The following GSE1 variants were observed in gnomAD, a reference collection of about 807,000 sequenced individuals.
GSE1 encodes the protein genetic suppressor element 1.
In GSE1, 32 loss-of-function variants were observed where a neutral mutation model predicts 112.6. The observed-to-expected ratio is 0.28, with a 90% CI of 0.21 to 0.38. The LOEUF (loss-of-function observed/expected upper bound fraction) is 0.38, where lower values mean the gene tolerates loss of function less well. Among genes scored for constraint, GSE1 ranks in the 10% least tolerant of loss-of-function variants. GSE1 has a pLI of 1.00. For synonymous variants in GSE1, 1,115 were observed against 735.6 expected (o/e 1.52, Z -8.35); for missense variants, 2,348 against 1,699.2 (o/e 1.38, Z -6.71).
chr16:85,624,885 C>A (rs2048966756), intron 1 of GSE1, among the ~76,000 whole-genome samples: 1 of 152,128 alleles, frequency 6.6e-6, no homozygotes, highest in Admixed American at 6.5e-5. Flanking sequence ...GCCCCCGGCT[C>A]TGTCTCAGCT....
chr16:85,476,113 G>A (rs1332747918), intron 2 of GSE1, among the ~76,000 whole-genome samples: 3 of 152,064 alleles, frequency 2.0e-5, no homozygotes, highest in African/African-American at 4.8e-5. Flanking sequence ...AAAATTTTTT[G>A]TAGAGACGGG....
In GSE1 at chr16:85,672,859, G is replaced by C. The variant is rs1277621089; in HGVS notation, c.*320G>C. 5.3e-6 allele frequency: 1 copy of C among 190,374 alleles called. No individual in the cohort carries two copies. The highest frequency in any genetic ancestry group is 1.1e-5 in the Non-Finnish European group (1 of 91,372). 11.8% of individuals were successfully genotyped at this position (190,374 alleles called of 1,614,324 possible). ...GGCTCCATTAGCAACACTAAAACTTGATCATTAACAGCCCCCTGTGCATAT... is the reference window on the plus strand; with the variant it reads ...GGCTCCATTAGCAACACTAAAACTTCATCATTAACAGCCCCCTGTGCATAT... On this transcript the variant is annotated 3_prime_UTR_variant, in exon 16 of 16. Transcript: ENST00000253458.
At chr16:85,630,787 C>G (rs2049478153) in intron 1 of GSE1, among the ~76,000 whole-genome samples, 1 of 152,162 alleles carries the variant, frequency 6.6e-6, no homozygotes, top group Non-Finnish European at 1.5e-5. Context: ...ACATGCTGCT[C>G]AACTGACTGA....
chr16:85,400,633 G>GTC (rs2048083862), intron 2 of GSE1, among the ~76,000 whole-genome samples: 1 of 5,116 alleles, frequency 2.0e-4, no homozygotes, highest in African/African-American at 2.3e-4. Context: ...CTGTGTGTCT[G>GTC]TGTGTTGTGT....
chr16:85,427,912 A>C (rs2049030175), intron 2 of GSE1, among the ~76,000 whole-genome samples: 1 of 152,258 alleles, frequency 6.6e-6, no homozygotes, highest in Non-Finnish European at 1.5e-5. Flanking sequence ...ATATTAAAAA[A>C]TATCAGTGAG....
At chr16:85,428,970 C>T (rs28727360) in intron 2 of GSE1, among the ~76,000 whole-genome samples, 8,590 of 152,264 alleles carry the variant, frequency 0.056, 459 homozygotes, top group East Asian at 0.3. Flanking sequence ...ACTCCTTCTG[C>T]CCAGCCACCT....
chr16:85,183,237 A>G (rs2074631324), intron 1 of GSE1, among the ~76,000 whole-genome samples: 1 of 152,114 alleles, frequency 6.6e-6, no homozygotes, highest in Non-Finnish European at 1.5e-5. Context: ...TCTCTCATTC[A>G]TGCACACTCA....
chr16:85,186,596 C>G (rs956542410), intron 1 of GSE1, among the ~76,000 whole-genome samples: 1 of 148,092 alleles, frequency 6.8e-6, no homozygotes, highest in East Asian at 2.0e-4. Flanking sequence ...GAGTGAGACT[C>G]TGTCTCAAGA....
intron 1 of GSE1, among the ~76,000 whole-genome samples, chr16:85,256,732 G>A (rs570465220): frequency 2.0e-5 from 3 of 152,354 alleles, no homozygotes; most frequent in Admixed American, 6.5e-5. Context: ...CAGCCCTGGG[G>A]TCTCGTCCCT....
At chr16:85,448,224 G>C (rs2049569147) in intron 2 of GSE1, among the ~76,000 whole-genome samples, 1 of 152,178 alleles carries the variant, frequency 6.6e-6, no homozygotes, top group South Asian at 2.1e-4. Context: ...CAGCTGCCCA[G>C]GAGCTCTGGA....
Position 85,661,729 on chromosome 16 carries a change from C to A in GSE1, c.2224C>A (p.Leu742Met). The A allele has an allele frequency of 6.3e-7, 1 of 1,577,654 alleles. No individual in the cohort carries two copies. The highest frequency in any genetic ancestry group is 1.3e-5 in the African/African-American group (1 of 74,342). Residue 742 changes from leucine to methionine, a missense_variant, in exon 9 of 16, where the codon CTG (leucine) becomes ATG (methionine). Physicochemically the swap from Leu to Met is conservative, Grantham distance 15 (BLOSUM62 2). Transcript: ENST00000253458. ...CCGGAGGCTGGTCAGCAAGCTGGAC[C>A]TGGAGGAGCGCAGGCGGCGGGAGGC... The part of the protein sequence containing the change: ...QRRRLVSKLD[L>M]EERRRREAQE...
At chr16:85,313,988 ATGTGTGTGTG>A (rs375083956) in intron 1 of GSE1, among the ~76,000 whole-genome samples, 19 of 135,860 alleles carry the variant, frequency 1.4e-4, no homozygotes, top group Admixed American at 7.0e-4. Flanking sequence ...TAGTGTGTGT[ATGTGTGTGTG>A]TGTGATACAG....
intron 2 of GSE1, among the ~76,000 whole-genome samples, chr16:85,486,788 G>A (rs754334178): frequency 6.6e-6 from 1 of 152,190 alleles, no homozygotes; most frequent in African/African-American, 2.4e-5. Flanking sequence ...CCCCCCGTTC[G>A]TGGCTTGTGA....
At chr16:85,244,569 G>A (rs1905433240) in intron 1 of GSE1, among the ~76,000 whole-genome samples, 1 of 152,178 alleles carries the variant, frequency 6.6e-6, no homozygotes. Context: ...GAAAAACCAG[G>A]CCAGGTGCAG....
intron 1 of GSE1, among the ~76,000 whole-genome samples, chr16:85,587,374 C>G (rs771244488): frequency 5.3e-5 from 8 of 152,244 alleles, no homozygotes; most frequent in Non-Finnish European, 1.2e-4. Context: ...AAGGTAAAAA[C>G]CTTCCCCCGG....
At chr16:85,459,651 G>T (rs2049920877) in intron 2 of GSE1, among the ~76,000 whole-genome samples, 1 of 152,194 alleles carries the variant, frequency 6.6e-6, no homozygotes, top group South Asian at 2.1e-4. Flanking sequence ...CATGCCAAGG[G>T]CTGGATTAGA....
intron 2 of GSE1, among the ~76,000 whole-genome samples, chr16:85,642,701 G>A (rs370833212): frequency 3.3e-5 from 5 of 152,248 alleles, no homozygotes; most frequent in East Asian, 3.8e-4. Flanking sequence ...GGTAGTTACC[G>A]TTCTGTTCTC....
chr16:85,237,197 C>T (rs947099825), intron 1 of GSE1, among the ~76,000 whole-genome samples: 2 of 152,176 alleles, frequency 1.3e-5, no homozygotes, highest in Non-Finnish European at 1.5e-5. Context: ...GTGGCGGTCG[C>T]CTGTAATCCC....
intron 1 of GSE1, among the ~76,000 whole-genome samples, chr16:85,313,747 G>A (rs1290776746): frequency 1.3e-5 from 2 of 152,236 alleles, no homozygotes; most frequent in Non-Finnish European, 2.9e-5. Context: ...CAGCTCATGT[G>A]GCCAAGGCCT....
Sources: allele counts gnomAD v4.1 joint callset (sites outside exome capture counted in the v4.1 genomes callset), GRCh38; gene constraint gnomAD v4.1.1; transcripts MANE v1.5; gene names NCBI Gene and HGNC (gene_info 2026-07-23, HGNC 2026-07-21).